Variants in PLPP3 observed in about 807,000 individuals in gnomAD.
PLPP3 encodes the protein phospholipid phosphatase 3, also known as PAP2 beta.
Under a neutral mutation model 29.6 loss-of-function variants are expected in PLPP3, and 6 were observed. The ratio of observed to expected loss-of-function variants is 0.20; its 90% CI spans 0.11 to 0.40. The LOEUF is 0.40. Among genes scored for constraint, PLPP3 ranks in the 10% least tolerant of loss-of-function variants. The probability of loss-of-function intolerance (pLI) is 1.00; values close to 1 mark genes in which losing one functional copy is unlikely to be tolerated. For missense variants in PLPP3, 308 were observed against 407.7 expected (o/e 0.76, Z 2.11); for synonymous variants, 152 against 159.7 (o/e 0.95, Z 0.36).
At chr1:56,548,718 AGGG>A (rs1459467592) in intron 1 of PLPP3, among the ~76,000 whole-genome samples, 1 of 152,220 alleles carries the variant, frequency 6.6e-6, no homozygotes, top group African/African-American at 2.4e-5. Context: ...GAACTTCCAC[AGGG>A]GCATTACTAA....
chr1:56,528,713 G>GTATC (rs1557504415), intron 2 of PLPP3, among the ~76,000 whole-genome samples: 1 of 151,576 alleles, frequency 6.6e-6, no homozygotes, highest in African/African-American at 2.4e-5. Context: ...TTTGTAGAGA[G>GTATC]TATCTCTTCC....
intron 5 of PLPP3, among the ~76,000 whole-genome samples, chr1:56,503,657 C>A (rs994826679): frequency 5.3e-5 from 8 of 152,064 alleles, no homozygotes; most frequent in Admixed American, 3.3e-4. Context: ...CTCCAGCCTG[C>A]AACAAGAGTG....
At chr1:56,513,748 C>T (rs1171922991) in intron 4 of PLPP3, 1 of 152,138 alleles carries the variant, frequency 6.6e-6, no homozygotes, top group Non-Finnish European at 1.5e-5. Flanking sequence ...AAAAAGATCA[C>T]ACTGAGGCCG....
intron 4 of PLPP3, among the ~76,000 whole-genome samples, chr1:56,519,787 A>G (rs540201498): frequency 1.1e-3 from 171 of 151,864 alleles, no homozygotes; most frequent in Non-Finnish European, 2.0e-3. Flanking sequence ...ATCTCTAACA[A>G]GCCTTAACCT....
chr1:56,553,641 T>C (rs1646055124), intron 1 of PLPP3, among the ~76,000 whole-genome samples: 1 of 152,172 alleles, frequency 6.6e-6, no homozygotes, highest in Admixed American at 6.5e-5. Context: ...ATAGACTCCC[T>C]CAGGTTATCT....
intron 1 of PLPP3, among the ~76,000 whole-genome samples, chr1:56,556,297 C>G (rs1488780097): frequency 6.6e-6 from 1 of 151,994 alleles, no homozygotes; most frequent in Admixed American, 6.6e-5. Context: ...AATTTGGTCA[C>G]AGAGATATAT....
At chr1:56,532,111 G>A (rs1325494020) in intron 2 of PLPP3, among the ~76,000 whole-genome samples, 2 of 152,172 alleles carry the variant, frequency 1.3e-5, no homozygotes, top group African/African-American at 2.4e-5. Flanking sequence ...GAGTGAGTGT[G>A]GGTGGTGGAG....
rs1645781964 is a variant in PLPP3, at chr1:56,516,540, T to C, written c.634-4388A>G. The stretch of plus-strand genomic sequence containing the variant: ...TGGACAAAACCTGAAAGTCTAATCA[T>C]CTTGACCTCTTCTAGTCTACTGCTG... On this transcript the variant is annotated intron_variant, in intron 4 of 5. Transcript: ENST00000371250. Among the ~76,000 whole-genome samples, 3 of 152,258 alleles carry C rather than the reference T, an allele frequency of 2.0e-5. No homozygotes were observed. In the South Asian group the frequency reaches 6.2e-4, roughly 32 times the overall value.
intron 4 of PLPP3, among the ~76,000 whole-genome samples, chr1:56,515,674 A>C (rs1032044784): frequency 1.3e-5 from 2 of 152,172 alleles, no homozygotes; most frequent in African/African-American, 4.8e-5. Flanking sequence ...TTGTTCCCTG[A>C]TATCCATCAG....
At chr1:56,504,514 C>G (rs974457202) in intron 5 of PLPP3, among the ~76,000 whole-genome samples, 2 of 152,024 alleles carry the variant, frequency 1.3e-5, no homozygotes, top group African/African-American at 4.8e-5. Context: ...GGCAGGGGAC[C>G]CCATTCCCAG....
intron 1 of PLPP3, among the ~76,000 whole-genome samples, chr1:56,558,600 G>A (rs986481404): frequency 6.6e-6 from 1 of 152,208 alleles, no homozygotes; most frequent in African/African-American, 2.4e-5. Context: ...ATGTCAAAGA[G>A]CCCACTGTCT....
At chr1:56,518,390 A>C (rs1203063950) in intron 4 of PLPP3, among the ~76,000 whole-genome samples, 1 of 152,064 alleles carries the variant, frequency 6.6e-6, no homozygotes, top group Non-Finnish European at 1.5e-5. Flanking sequence ...ACCCTCTGAC[A>C]CACAAACAGT....
rs1366423370 is a variant in PLPP3 at position 56,557,015 on chromosome 1, AGAGAGAGAG to A, written c.140-19912_140-19904del. Among the ~76,000 whole-genome samples, 16 of 13,608 alleles carry A rather than the reference AGAGAGAGAG, an allele frequency of 1.2e-3. 1 individual carries two copies. Among genetic ancestry groups the A allele is most frequent in the Middle Eastern group, 0.053 (2 of 38 alleles). 8.9% of individuals were successfully genotyped at this position (13,608 alleles called of 152,430 possible). ...GAAAGAAAGAAAGAAAGAAAGAGAG[AGAGAGAGAG>A]AAAGAGAGAGAGAGAGAGAGAGAGA... On this transcript the variant is annotated intron_variant, in intron 1 of 5. Transcript: ENST00000371250.
chr1:56,500,734 G>A (rs1022467993), intron 5 of PLPP3, among the ~76,000 whole-genome samples: 4 of 152,214 alleles, frequency 2.6e-5, no homozygotes, highest in Non-Finnish European at 5.9e-5. Flanking sequence ...GTCAGGTGCA[G>A]TGGCTCACGC....
At chr1:56,531,836 T>A (rs1645890702) in intron 2 of PLPP3, among the ~76,000 whole-genome samples, 1 of 152,122 alleles carries the variant, frequency 6.6e-6, no homozygotes, top group African/African-American at 2.4e-5. Context: ...AATAGCAACC[T>A]CACATAGCTG....
In PLPP3 at chr1:56,579,095, C is replaced by T; in HGVS notation, c.-79G>A. On this transcript the variant is annotated 5_prime_UTR_variant, in exon 1 of 6. Coordinates refer to ENST00000371250, the MANE Select transcript of PLPP3 (RefSeq NM_003713.5). Reference sequence around the variant, plus strand: ...GCCACACACCCAGGCGCCCGGGTCGCCTCCTGGCCGAGGCTGCTGCGGATA... The same window carrying T: ...GCCACACACCCAGGCGCCCGGGTCGTCTCCTGGCCGAGGCTGCTGCGGATA... The T allele has an allele frequency of 2.6e-6, 4 of 1,545,554 alleles. No individual in the cohort carries two copies. Among genetic ancestry groups the T allele is most frequent in the Non-Finnish European group, 3.5e-6 (4 of 1,154,988 alleles).
At chr1:56,497,160 C>T (rs1645636073) in intron 5 of PLPP3, among the ~76,000 whole-genome samples, 1 of 152,182 alleles carries the variant, frequency 6.6e-6, no homozygotes, top group Non-Finnish European at 1.5e-5. Flanking sequence ...ACTACTTTTT[C>T]CTGAAAACTT....
At chr1:56,529,842 T>A (rs1454783446) in intron 2 of PLPP3, among the ~76,000 whole-genome samples, 1 of 152,120 alleles carries the variant, frequency 6.6e-6, no homozygotes, top group Non-Finnish European at 1.5e-5. Flanking sequence ...TTCTGGGCTT[T>A]ATGGGTAAGT....
At chr1:56,533,090 T>C (rs933350566) in intron 2 of PLPP3, among the ~76,000 whole-genome samples, 4 of 151,780 alleles carry the variant, frequency 2.6e-5, no homozygotes, top group Admixed American at 1.3e-4. Context: ...GGTCTCATCC[T>C]GTCGCCCAGG....
Sources: allele counts gnomAD v4.1 joint callset (sites outside exome capture counted in the v4.1 genomes callset), GRCh38; gene constraint gnomAD v4.1.1; transcripts MANE v1.5; gene names NCBI Gene and HGNC (gene_info 2026-07-23, HGNC 2026-07-21).